SLC2A9: variants seen among roughly 807,000 people sequenced by gnomAD.
SLC2A9 encodes the protein solute carrier family 2, facilitated glucose transporter member 9.
SLC2A9 carries 39 observed loss-of-function variants against 50.6 expected under a neutral mutation model. The observed-to-expected ratio is 0.77, with a 90% CI of 0.60 to 1.01. The LOEUF is 1.01. SLC2A9 is among the 50% of genes least tolerant of loss of function. SLC2A9 has a pLI of 0.00. For missense variants in SLC2A9, 686 were observed against 677.6 expected, an observed-to-expected ratio of 1.01 and a Z score of -0.14; for synonymous variants, 324 against 276.9, an observed-to-expected ratio of 1.17 and a Z score of -1.69.
intron 1 of SLC2A9, chr4:10,029,407 C>CT (rs1263550081): frequency 6.6e-6 from 1 of 152,164 alleles, no homozygotes; most frequent in Non-Finnish European, 1.5e-5. Context: ...TGATGGGATG[C>CT]TTTAGGTAGC....
intron 7 of SLC2A9, among the ~76,000 whole-genome samples, chr4:9,919,528 C>A (rs116368306): frequency 6.6e-6 from 1 of 150,646 alleles, no homozygotes; most frequent in Non-Finnish European, 1.5e-5. Context: ...GCTGGTCTCA[C>A]GCTTATTTAG....
intron 4 of SLC2A9, among the ~76,000 whole-genome samples, chr4:9,984,773 G>T (rs949369696): frequency 9.2e-5 from 14 of 152,052 alleles, no homozygotes; most frequent in African/African-American, 3.4e-4. Context: ...TGAACAGCTG[G>T]CTCCTCTGAT....
intron 8 of SLC2A9, among the ~76,000 whole-genome samples, chr4:9,892,120 C>T (rs145187844): frequency 2.0e-5 from 3 of 152,214 alleles, no homozygotes; most frequent in Non-Finnish European, 4.4e-5. Context: ...GCGTTCTCCC[C>T]CAAGCTTAGC....
At chr4:9,883,486 T>C (rs1250346836) in intron 10 of SLC2A9, among the ~76,000 whole-genome samples, 1 of 152,210 alleles carries the variant, frequency 6.6e-6, no homozygotes, top group Non-Finnish European at 1.5e-5. Flanking sequence ...ATGAGAGTGG[T>C]AATCCTAATT....
intron 3 of SLC2A9, chr4:9,783,399 T>C: frequency 1.2e-6 from 2 of 1,614,156 alleles, no homozygotes; most frequent in Non-Finnish European, 1.7e-6. Context: ...GTCTGGGAGC[T>C]GGACTGCGAG....
intron 6 of SLC2A9, among the ~76,000 whole-genome samples, chr4:9,927,719 T>G (rs1745158551): frequency 6.6e-6 from 1 of 152,046 alleles, no homozygotes; most frequent in Non-Finnish European, 1.5e-5. Flanking sequence ...TAACAAGGGG[T>G]GTAGGAGGAG....
intron 2 of SLC2A9, among the ~76,000 whole-genome samples, chr4:10,015,334 C>G (rs752214102): frequency 6.6e-6 from 1 of 152,194 alleles, no homozygotes; most frequent in Non-Finnish European, 1.5e-5. Context: ...GAGCATGGCA[C>G]GGATCTTGGA....
intron 4 of SLC2A9, among the ~76,000 whole-genome samples, chr4:9,983,184 C>T (rs993507616): frequency 6.6e-6 from 1 of 152,168 alleles, no homozygotes; most frequent in African/African-American, 2.4e-5. Flanking sequence ...ATTTTCACAT[C>T]ACCCAACAAG....
In SLC2A9 at chr4:9,985,649, C is replaced by T. The variant is rs1033292307; in HGVS notation, c.535+20G>A. 16 of 1,613,926 alleles carry T rather than the reference C, an allele frequency of 9.9e-6. No homozygotes were observed. Among genetic ancestry groups the T allele is most frequent in the East Asian group, 2.2e-5 (1 of 44,882 alleles). On this transcript the variant is annotated intron_variant, in intron 4 of 11. Transcript: ENST00000264784. The stretch of plus-strand genomic sequence containing the variant: ...CAAGGAGTATGTTACTGTTCCCTCC[C>T]CGTCATGGTGAACTCTCACCTCCAT...
At chr4:9,959,162 G>A (rs1488727296) in intron 5 of SLC2A9, among the ~76,000 whole-genome samples, 1 of 151,216 alleles carries the variant, frequency 6.6e-6, no homozygotes, top group African/African-American at 2.4e-5. Context: ...CCTGGCCAAT[G>A]TGGTTCGAGA....
Position 9,934,685 on chromosome 4 carries a change from G to A in SLC2A9, c.814+7228C>T, listed in dbSNP as rs546831031. Among the ~76,000 whole-genome samples the A allele has an allele frequency of 2.0e-5, 3 of 152,340 alleles. No homozygotes were observed. In the South Asian group the frequency reaches 6.2e-4, roughly 32 times the overall value. Reference sequence around the variant, plus strand: ...TTACTTTAAGTTCCAGGATACATGTGCAGAATGTACAGGTTTGTTACATAA... The same window carrying A: ...TTACTTTAAGTTCCAGGATACATGTACAGAATGTACAGGTTTGTTACATAA... On this transcript the variant is annotated intron_variant, in intron 6 of 11. Coordinates refer to ENST00000264784, the MANE Select transcript of SLC2A9 (RefSeq NM_020041.3).
chr4:9,773,580 C>G (rs780812054), intron 1 of SLC2A9, among the ~76,000 whole-genome samples: 1 of 152,206 alleles, frequency 6.6e-6, no homozygotes, highest in Non-Finnish European at 1.5e-5. Flanking sequence ...GGAAAATCCT[C>G]TTAGCACAAT....
intron 3 of SLC2A9, among the ~76,000 whole-genome samples, chr4:9,809,132 G>C (rs1377351613): frequency 6.6e-6 from 1 of 152,194 alleles, no homozygotes; most frequent in African/African-American, 2.4e-5. Flanking sequence ...CTAAGGTTTA[G>C]AGTAGGTAGG....
At position 9,771,746 on chromosome 4, in the gene SLC2A9, G is replaced by A. The variant is rs917564165; in HGVS notation, n.182-377C>T. Reference sequence around the variant, plus strand: ...AGGTGCAGCGTGCTGCAGAAATACAGAGGGTGGCTACTACCCTGGAGTCTT... The same window carrying A: ...AGGTGCAGCGTGCTGCAGAAATACAAAGGGTGGCTACTACCCTGGAGTCTT... On this transcript the variant is annotated intron_variant and non_coding_transcript_variant, in intron 1 of 1. Coordinates refer to the SLC2A9 transcript ENST00000508585. Among the ~76,000 whole-genome samples, 4 of 152,344 alleles carry A rather than the reference G, an allele frequency of 2.6e-5. No homozygotes were observed. The South Asian group carries it at 6.2e-4, about 24-fold the overall frequency.
chr4:10,003,518 C>T (rs1240790052), intron 2 of SLC2A9, among the ~76,000 whole-genome samples: 4 of 152,212 alleles, frequency 2.6e-5, no homozygotes, highest in African/African-American at 4.8e-5. Context: ...GCTGCATAGC[C>T]TAGGCCCCCT....
intron 8 of SLC2A9, among the ~76,000 whole-genome samples, chr4:9,903,203 G>A (rs564938645): frequency 6.6e-6 from 1 of 151,958 alleles, no homozygotes; most frequent in South Asian, 2.1e-4. Flanking sequence ...CTTTGATTCT[G>A]AAATTGTCGA....
downstream of SLC2A9, among the ~76,000 whole-genome samples, chr4:9,823,357 T>C (rs1359274508): frequency 1.3e-5 from 2 of 152,192 alleles, no homozygotes; most frequent in Non-Finnish European, 1.5e-5. Context: ...CCAGAGCCTG[T>C]GAAGCAAAGC....
chr4:10,019,620 C>G (rs1205217822), intron 1 of SLC2A9, among the ~76,000 whole-genome samples: 1 of 152,234 alleles, frequency 6.6e-6, no homozygotes, highest in Non-Finnish European at 1.5e-5. Context: ...CACCACTGCA[C>G]TGTCCCCTGC....
At chr4:9,938,464 G>A (rs1285222710) in intron 6 of SLC2A9, among the ~76,000 whole-genome samples, 1 of 151,820 alleles carries the variant, frequency 6.6e-6, no homozygotes, top group African/African-American at 2.4e-5. Context: ...GTAGAAACAG[G>A]GTTTCACCGT....
Sources: allele counts gnomAD v4.1 joint callset (sites outside exome capture counted in the v4.1 genomes callset), GRCh38; gene constraint gnomAD v4.1.1; transcripts MANE v1.5; gene names NCBI Gene and HGNC (gene_info 2026-07-23, HGNC 2026-07-21).